Variants in FBXW8 observed in about 807,000 individuals in gnomAD.
FBXW8 encodes F-box and WD repeat domain containing 8.
Under a neutral mutation model 65.3 loss-of-function variants are expected in FBXW8, and 57 were observed. The observed-to-expected ratio is 0.87, with a 90% CI of 0.71 to 1.09. The LOEUF is 1.09. Among genes scored for constraint, FBXW8 ranks in the 50% least tolerant of loss-of-function variants. The pLI is 0.00. For missense variants in FBXW8, 777 were observed against 814.8 expected, an observed-to-expected ratio of 0.95 and a Z score of 0.57; for synonymous variants, 308 against 330.2, an observed-to-expected ratio of 0.93 and a Z score of 0.73.
intron 10 of FBXW8, among the ~76,000 whole-genome samples, chr12:117,027,712 C>T (rs941640596): frequency 2.6e-5 from 4 of 152,238 alleles, no homozygotes; most frequent in South Asian, 4.1e-4. Flanking sequence ...GGCGAGTCCA[C>T]GCTGTCGGCT....
chr12:116,987,881 C>T (rs1040600437), intron 6 of FBXW8, among the ~76,000 whole-genome samples: 2 of 152,154 alleles, frequency 1.3e-5, no homozygotes, highest in African/African-American at 4.8e-5. Context: ...TATGGATGTG[C>T]GAGTCAAGCG....
chr12:116,944,845 T>C (rs1490194605), intron 2 of FBXW8, among the ~76,000 whole-genome samples: 4 of 152,238 alleles, frequency 2.6e-5, no homozygotes, highest in Non-Finnish European at 5.9e-5. Context: ...TAATTAAATA[T>C]ATACATATGT....
intron 5 of FBXW8, among the ~76,000 whole-genome samples, chr12:116,979,822 G>C (rs1361870566): frequency 6.9e-6 from 1 of 145,880 alleles, no homozygotes; most frequent in Non-Finnish European, 1.5e-5. Flanking sequence ...CCACTGCCAA[G>C]AAACCAAGTA....
chr12:117,020,051 C>T (rs1331298409), intron 8 of FBXW8, among the ~76,000 whole-genome samples: 2 of 152,214 alleles, frequency 1.3e-5, no homozygotes, highest in Admixed American at 6.5e-5. Flanking sequence ...CGCCCACACA[C>T]GCACAGCCTA....
chr12:116,943,795 T>G (rs974317705), intron 2 of FBXW8, among the ~76,000 whole-genome samples: 1 of 152,218 alleles, frequency 6.6e-6, no homozygotes, highest in Non-Finnish European at 1.5e-5. Context: ...TCTTTCAAGC[T>G]TTTTGGTCAG....
At chr12:117,002,265 C>T (rs1247882384) in intron 7 of FBXW8, among the ~76,000 whole-genome samples, 2 of 152,236 alleles carry the variant, frequency 1.3e-5, no homozygotes, top group Non-Finnish European at 2.9e-5. Context: ...GCCTACCCAG[C>T]GCCTGGCGAC....
chr12:116,911,099 A>C lies in FBXW8; in HGVS notation c.62A>C (p.Gln21Pro). Reference protein sequence around the residue: ...RRWQEELAQAQAPKKRRRPEA... With the variant: ...RRWQEELAQAPAPKKRRRPEA... ...TGGCAGGAGGAGCTGGCGCAGGCCC[A>C]GGCGCCGAAGAAGCGGCGACGGCCC... Residue 21 changes from glutamine to proline, a missense_variant, in exon 1 of 11, where the codon CAG (glutamine) becomes CCG (proline). Physicochemically the swap from Gln to Pro is moderately conservative, Grantham distance 76. Coordinates refer to ENST00000652555, the MANE Select transcript of FBXW8 (RefSeq NM_153348.3). 7.1e-7 allele frequency: 1 copy of C among 1,410,930 alleles called. No individual in the cohort carries two copies. The highest frequency in any genetic ancestry group is 9.2e-7 in the Non-Finnish European group (1 of 1,091,894). The allele number at this position is 1,410,930 out of a possible 1,614,324, so 87.4% of individuals were successfully genotyped here.
At chr12:116,983,156 G>A (rs941681014) in intron 5 of FBXW8, among the ~76,000 whole-genome samples, 58 of 152,070 alleles carry the variant, frequency 3.8e-4, no homozygotes, top group African/African-American at 1.2e-3. Flanking sequence ...CTGTTGTGAT[G>A]TCTCAAAACA....
intron 8 of FBXW8, among the ~76,000 whole-genome samples, chr12:117,011,366 A>C (rs564972703): frequency 6.6e-6 from 1 of 152,172 alleles, no homozygotes; most frequent in Admixed American, 6.5e-5. Context: ...CTGTCAAATA[A>C]TATTTTCACC....
intron 2 of FBXW8, among the ~76,000 whole-genome samples, chr12:116,935,939 G>A (rs1882126678): frequency 6.6e-6 from 1 of 152,124 alleles, no homozygotes; most frequent in Non-Finnish European, 1.5e-5. Context: ...TATTTATATA[G>A]AGCTGACTAT....
At chr12:117,012,527 T>C (rs1238294198) in intron 8 of FBXW8, among the ~76,000 whole-genome samples, 9 of 152,136 alleles carry the variant, frequency 5.9e-5, no homozygotes, top group Admixed American at 5.9e-4. Context: ...TTAATAAAAA[T>C]TGCACATCTA....
At chr12:116,927,093 G>C (rs575705613) in intron 1 of FBXW8, among the ~76,000 whole-genome samples, 9 of 152,310 alleles carry the variant, frequency 5.9e-5, no homozygotes, top group Middle Eastern at 3.4e-3. Flanking sequence ...TTGGGACACA[G>C]AGTGAAGCTT....
chr12:116,928,312 G>A (rs1881491905), intron 2 of FBXW8, among the ~76,000 whole-genome samples, 185 bp downstream of exon 2: 1 of 152,226 alleles, frequency 6.6e-6, no homozygotes, highest in South Asian at 2.1e-4. Flanking sequence ...TCACTACTCG[G>A]TGTGTATCTT....
At chr12:117,000,322 C>G (rs1321353808) in intron 7 of FBXW8, among the ~76,000 whole-genome samples, 2 of 152,220 alleles carry the variant, frequency 1.3e-5, no homozygotes, top group Admixed American at 1.3e-4. Context: ...TATTGCCTCC[C>G]CAGATTGGCA....
chr12:116,911,342 T>C lies in FBXW8; in HGVS notation c.305T>C (p.Leu102Pro). 7.8e-7 allele frequency: 1 copy of C among 1,282,598 alleles called. No individual in the cohort carries two copies. Among genetic ancestry groups the C allele is most frequent in the East Asian group, 3.1e-5 (1 of 32,112 alleles). The allele number at this position is 1,282,598 out of a possible 1,614,324, so 79.5% of individuals were successfully genotyped here. The change falls in exon 1 of 11, where the codon CTC (leucine) becomes CCC (proline). Residue 102 changes from leucine (L) to proline (P), a missense_variant. Coordinates refer to ENST00000652555, the MANE Select transcript of FBXW8 (RefSeq NM_153348.3). Reference protein sequence around the residue: ...AGGGEQLVDQLIRDLNEMNDV... With the variant: ...AGGGEQLVDQPIRDLNEMNDV... ...GGCGGGGAGCAGCTGGTGGACCAGC[T>C]CATCCGCGACCTGGTGAGTGGCCGT...
chr12:116,985,719 A>C, intron 6 of FBXW8: 1 of 234,910 alleles, frequency 4.3e-6, no homozygotes, highest in Non-Finnish European at 8.3e-6. Context: ...TCAGACTAAC[A>C]CGGTGGAATC....
intron 1 of FBXW8, among the ~76,000 whole-genome samples, chr12:116,912,003 G>A (rs560190003): frequency 1.5e-4 from 23 of 152,228 alleles, no homozygotes; most frequent in African/African-American, 4.1e-4. Context: ...CCCTGTGTCC[G>A]TTAAAAATAA....
At chr12:116,935,458 C>A (rs1882087009) in intron 2 of FBXW8, among the ~76,000 whole-genome samples, 1 of 152,322 alleles carries the variant, frequency 6.6e-6, no homozygotes, top group Non-Finnish European at 1.5e-5. Flanking sequence ...TAGTTGCTGG[C>A]AGGGTTCCCT....
chr12:116,996,621 G>C (rs1376538612), intron 7 of FBXW8, among the ~76,000 whole-genome samples: 1 of 152,062 alleles, frequency 6.6e-6, no homozygotes, highest in Non-Finnish European at 1.5e-5. Context: ...AGTTCACAAA[G>C]TAAATGTCTA....
Sources: gnomAD v4.1 joint callset for allele counts (sites outside exome capture counted in the v4.1 genomes callset) on GRCh38, gnomAD v4.1.1 for gene constraint, MANE v1.5 for transcripts, NCBI Gene and HGNC (gene_info 2026-07-23, HGNC 2026-07-21) for gene names.